C3orf49: variants seen among roughly 807,000 people sequenced by gnomAD.
The protein encoded by C3orf49 is chromosome 3 open reading frame 49.
A neutral mutation model predicts 13.3 loss-of-function variants in C3orf49; 27 were observed. That is an observed-to-expected ratio of 2.02 (90% CI 1.49 to 2.79). The LOEUF (loss-of-function observed/expected upper bound fraction) is 2.79, where lower values mean the gene tolerates loss of function less well. Among genes scored for constraint, C3orf49 ranks in the 30% most tolerant of loss-of-function variants. C3orf49 has a pLI of 0.00. For synonymous variants in C3orf49, 87 were observed against 47.6 expected (o/e 1.83, Z -3.40); for missense variants, 242 against 134.2 (o/e 1.80, Z -3.97).
chr3:63,831,458 A>T lies in C3orf49; in HGVS notation c.685-222A>T, dbSNP rs1701530817. Among the ~76,000 whole-genome samples the T allele has an allele frequency of 2.0e-5, 3 of 152,330 alleles. No homozygotes were observed. The South Asian group carries it at 6.2e-4, about 32-fold the overall frequency. Reference sequence around the variant, plus strand: ...GAATTCAGTTAAAATGAAGGCATATACATAGGTTTCTTTTCAGAAGAACTG... The same window carrying T: ...GAATTCAGTTAAAATGAAGGCATATTCATAGGTTTCTTTTCAGAAGAACTG... On this transcript the variant is annotated intron_variant, in intron 4 of 6. Transcript: ENST00000295896.
chr3:63,799,048 CT>C, the C3orf49 span, among the ~76,000 whole-genome samples: 1 of 152,080 alleles, frequency 6.6e-6, no homozygotes, highest in Admixed American at 6.6e-5. Flanking sequence ...GGTGGGTGAG[CT>C]GCCATGGAGA....
upstream of C3orf49, among the ~76,000 whole-genome samples, chr3:63,817,231 C>A (rs113506645): frequency 6.6e-6 from 1 of 152,160 alleles, no homozygotes; most frequent in Non-Finnish European, 1.5e-5. Flanking sequence ...GCTTTCCTAA[C>A]GCTCCATCTA....
chr3:63,781,308 G>A, the C3orf49 span, among the ~76,000 whole-genome samples: 5 of 151,520 alleles, frequency 3.3e-5, no homozygotes, highest in Admixed American at 1.3e-4. Flanking sequence ...GTAGATATGC[G>A]GCATTATGTC....
chr3:63,787,834 G>A, the C3orf49 span, among the ~76,000 whole-genome samples: 2 of 152,138 alleles, frequency 1.3e-5, no homozygotes, highest in Non-Finnish European at 2.9e-5. Flanking sequence ...CAACTCCCAG[G>A]TTCTGAAGCA....
intron 5 of C3orf49, among the ~76,000 whole-genome samples, chr3:63,839,266 C>T (rs896847361): frequency 4.6e-5 from 7 of 152,146 alleles, no homozygotes; most frequent in African/African-American, 1.7e-4. Context: ...TCTGCCATTT[C>T]TGCCATTAAA....
intron 3 of C3orf49, among the ~76,000 whole-genome samples, chr3:63,829,219 G>C (rs1701502010): frequency 1.3e-5 from 2 of 152,144 alleles, no homozygotes; most frequent in African/African-American, 4.8e-5. Context: ...TGTAGGTTTG[G>C]GGGGTATAGG....
intron 5 of C3orf49, among the ~76,000 whole-genome samples, chr3:63,840,516 C>T (rs570941475): frequency 3.3e-4 from 50 of 152,096 alleles, no homozygotes; most frequent in African/African-American, 1.1e-3. Flanking sequence ...ACTTGAGCCT[C>T]GGAGATCAAG....
chr3:63,802,439 A>G, the C3orf49 span, among the ~76,000 whole-genome samples: 1 of 152,260 alleles, frequency 6.6e-6, no homozygotes, highest in African/African-American at 2.4e-5. Flanking sequence ...GCAATGTTGT[A>G]GAAACAGTTA....
At chr3:63,841,004 T>C (rs1701745936) in intron 5 of C3orf49, among the ~76,000 whole-genome samples, 1 of 152,234 alleles carries the variant, frequency 6.6e-6, no homozygotes, top group Non-Finnish European at 1.5e-5. Flanking sequence ...GTACTGTTTA[T>C]AGTAGAAAGA....
chr3:63,830,727 C>A (rs1354275133), intron 3 of C3orf49, among the ~76,000 whole-genome samples: 6 of 152,188 alleles, frequency 3.9e-5, no homozygotes, highest in Admixed American at 1.3e-4. Flanking sequence ...ACCAAATTAA[C>A]AACTAGATCC....
the C3orf49 span, among the ~76,000 whole-genome samples, chr3:63,811,272 G>A: frequency 6.6e-6 from 1 of 152,160 alleles, no homozygotes; most frequent in Non-Finnish European, 1.5e-5. Flanking sequence ...AATAGAGCCA[G>A]GCACGGCCAG....
At chr3:63,835,357 A>G (rs562345461) in intron 5 of C3orf49, 4 of 1,613,576 alleles carry the variant, frequency 2.5e-6, no homozygotes, top group Non-Finnish European at 3.4e-6. Context: ...TGTGTGAAAG[A>G]TGCTCTAATT....
intron 4 of C3orf49, among the ~76,000 whole-genome samples, 176 bp downstream of exon 4, chr3:63,831,399 T>A (rs1701530270): frequency 6.6e-6 from 1 of 152,170 alleles, no homozygotes; most frequent in Non-Finnish European, 1.5e-5. Flanking sequence ...CAAGGACACC[T>A]AGGATGATGC....
chr3:63,814,220 C>T, the C3orf49 span, among the ~76,000 whole-genome samples: 3 of 152,282 alleles, frequency 2.0e-5, no homozygotes, highest in Non-Finnish European at 2.9e-5. Flanking sequence ...ATGAAAGCAT[C>T]TCTGGAGGCA....
chr3:63,842,874 T>G (rs1265598303), intron 5 of C3orf49, among the ~76,000 whole-genome samples: 3 of 151,992 alleles, frequency 2.0e-5, no homozygotes. Flanking sequence ...CTCCACCTAC[T>G]GGGTTCAAGC....
the C3orf49 span, among the ~76,000 whole-genome samples, chr3:63,807,083 C>G: frequency 6.6e-6 from 1 of 151,934 alleles, no homozygotes; most frequent in Non-Finnish European, 1.5e-5. Context: ...ACCCGAGTAG[C>G]TGGGACTACA....
At position 63,838,571 on chromosome 3, in the gene C3orf49, C is replaced by T. The variant is rs963327863; in HGVS notation, c.850-6452C>T. 4.3e-6 allele frequency: 6 copies of T among 1,385,162 alleles called. No homozygotes were observed. The African/African-American group carries it at 6.1e-5, about 14-fold the overall frequency. The allele number at this position is 1,385,162 out of a possible 1,614,324, so 85.8% of individuals were successfully genotyped here. On this transcript the variant is annotated intron_variant, in intron 5 of 6. Coordinates refer to ENST00000295896, the MANE Select transcript of C3orf49 (RefSeq NM_001355236.2). ...CAAAAGTGAACTGTTATAATGCAGACAAATATTTGCTAATTAAATTATAGC... is the reference window on the plus strand; with the variant it reads ...CAAAAGTGAACTGTTATAATGCAGATAAATATTTGCTAATTAAATTATAGC...
At chr3:63,815,373 C>A (rs1701312349), upstream of C3orf49, among the ~76,000 whole-genome samples, 1 of 152,190 alleles carries the variant, frequency 6.6e-6, no homozygotes, top group Admixed American at 6.5e-5. Context: ...CCATCTGTTG[C>A]CGGCCTGGAC....
rs12636035 is a variant in C3orf49, at chr3:63,836,940, C to T, written c.849+5096C>T. On this transcript the variant is annotated intron_variant, in intron 5 of 6. Coordinates refer to ENST00000295896, the MANE Select transcript of C3orf49 (RefSeq NM_001355236.2). ...GGATTTACTTAAAAGCCTCATTAAC[C>T]AACGAAAACACTGCAAAATATTTTT... 2.9e-3 allele frequency among the ~76,000 whole-genome samples: 437 copies of T among 151,286 alleles called. 13 individuals carry two copies. In the East Asian group the frequency reaches 0.077, roughly 27 times the overall value.
Sources: allele counts gnomAD v4.1 joint callset (sites outside exome capture counted in the v4.1 genomes callset), GRCh38; gene constraint gnomAD v4.1.1; transcripts MANE v1.5; gene names NCBI Gene and HGNC (gene_info 2026-07-23, HGNC 2026-07-21).